The following SNX16 variants were observed in gnomAD, a reference collection of about 807,000 sequenced individuals.
SNX16 encodes the protein sorting nexin-16.
A neutral mutation model predicts 36.7 loss-of-function variants in SNX16; 35 were observed. That is an observed-to-expected ratio of 0.95 (90% CI 0.73 to 1.27). The LOEUF (loss-of-function observed/expected upper bound fraction) is 1.27. Ranked by LOEUF, SNX16 falls within the 50% of genes most tolerant of loss-of-function variation. The pLI is 0.00. For missense variants in SNX16, 367 were observed against 393.6 expected (o/e 0.93, Z 0.57); for synonymous variants, 134 against 132.0 (o/e 1.02, Z -0.10).
intron 4 of SNX16, among the ~76,000 whole-genome samples, chr8:81,818,641 T>G (rs1402391630): frequency 6.6e-6 from 1 of 152,132 alleles, no homozygotes; most frequent in Non-Finnish European, 1.5e-5. Context: ...AAGTAACTTT[T>G]TAAAATCTGA....
chr8:81,832,234 T>C (rs569511533), intron 2 of SNX16, among the ~76,000 whole-genome samples: 2 of 152,214 alleles, frequency 1.3e-5, no homozygotes, highest in African/African-American at 4.8e-5. Flanking sequence ...TATATAGCCA[T>C]AAAAAAGAAT....
At chr8:81,822,724 T>C (rs1401715442) in intron 4 of SNX16, among the ~76,000 whole-genome samples, 1 of 151,928 alleles carries the variant, frequency 6.6e-6, no homozygotes, top group Non-Finnish European at 1.5e-5. Flanking sequence ...AAAGTCTGCA[T>C]ACTAAACTTT....
rs1586004527 is a variant in SNX16, at chr8:81,823,657, T to C, written c.611+135A>G. 3.6e-5 allele frequency: 24 copies of C among 662,664 alleles called. No homozygotes were observed. In the East Asian group the frequency reaches 7.4e-4, roughly 20 times the overall value. 41.0% of individuals were successfully genotyped at this position (662,664 alleles called of 1,614,324 possible). Reference sequence around the variant, plus strand: ...AAGCAAGAAAATCTCTTGTAGTACTTTGTTAAAGAAGACAAGTAATTATAC... The same window carrying C: ...AAGCAAGAAAATCTCTTGTAGTACTCTGTTAAAGAAGACAAGTAATTATAC... On this transcript the variant is annotated intron_variant, in intron 4 of 7. Coordinates refer to ENST00000345957, the MANE Select transcript of SNX16 (RefSeq NM_152836.3).
chr8:81,839,290 A>C (rs957213327), intron 2 of SNX16, among the ~76,000 whole-genome samples: 1 of 152,140 alleles, frequency 6.6e-6, no homozygotes, highest in Non-Finnish European at 1.5e-5. Flanking sequence ...AAAATAGGCA[A>C]AATTAATCTA....
Position 81,815,598 on chromosome 8 carries a change from A to G in SNX16, c.612-204T>C, listed in dbSNP as rs367574107. ...AAGATCTTAGAACATAAATATCACA[A>G]ATTTATTGTTACATACAAACTATGG... On this transcript the variant is annotated intron_variant, in intron 4 of 7. Transcript: ENST00000345957. The G allele has an allele frequency of 1.8e-3, 784 of 429,542 alleles. 22 individuals are homozygous for G. In the South Asian group the frequency reaches 0.021, roughly 11 times the overall value. The allele number at this position is 429,542 out of a possible 1,614,324, so 26.6% of individuals were successfully genotyped here. A position where few individuals can be genotyped will look rare whatever the true frequency, so the allele number is the denominator to read the frequency against.
intron 5 of SNX16, among the ~76,000 whole-genome samples, chr8:81,805,376 A>C (rs1809884239): frequency 6.6e-6 from 1 of 152,174 alleles, no homozygotes; most frequent in South Asian, 2.1e-4. Flanking sequence ...GAACTGTATA[A>C]TACTAGAAAC....
intron 3 of SNX16, among the ~76,000 whole-genome samples, chr8:81,826,619 A>G (rs536868684): frequency 6.6e-6 from 1 of 152,190 alleles, no homozygotes; most frequent in Admixed American, 6.5e-5. Flanking sequence ...GAATTTGCTC[A>G]TGACTTTGTC....
At chr8:81,807,518 CAAAAAAAAA>C (rs71268027) in intron 5 of SNX16, among the ~76,000 whole-genome samples, 6 of 49,298 alleles carry the variant, frequency 1.2e-4, no homozygotes, top group African/African-American at 3.1e-4. Context: ...GACTCTGTCT[CAAAAAAAAA>C]AAAAAAAAAA....
Position 81,838,440 on chromosome 8 carries a change from A to G in SNX16, c.375+1172T>C, listed in dbSNP as rs148021674. Among the ~76,000 whole-genome samples the G allele has an allele frequency of 5.5e-3, 833 of 152,234 alleles. 5 individuals carry two copies. Among genetic ancestry groups the G allele is most frequent in the Non-Finnish European group, 9.3e-3 (633 of 67,964 alleles). On this transcript the variant is annotated intron_variant, in intron 2 of 7. Coordinates refer to ENST00000345957, the MANE Select transcript of SNX16 (RefSeq NM_152836.3). ...TAATTAAGACAGTGTGAAATTAGTA[A>G]AGGATGAAAAAATAGAACACAGAAG...
intron 2 of SNX16, among the ~76,000 whole-genome samples, chr8:81,835,039 G>A (rs1056303371): frequency 5.3e-5 from 8 of 152,218 alleles, no homozygotes; most frequent in African/African-American, 1.9e-4. Context: ...GGGCATCCAG[G>A]CATTTCCATA....
chr8:81,824,336 A>T (rs1810918670), intron 3 of SNX16, among the ~76,000 whole-genome samples: 1 of 152,164 alleles, frequency 6.6e-6, no homozygotes, highest in African/African-American at 2.4e-5. Context: ...TCCCTTTAAA[A>T]AAATTAGGTT....
chr8:81,806,005 T>TC (rs1563430832), intron 5 of SNX16, among the ~76,000 whole-genome samples: 2 of 152,210 alleles, frequency 1.3e-5, no homozygotes, highest in African/African-American at 2.4e-5. Flanking sequence ...AACTGAAACC[T>TC]CCCCAAATAA....
At chr8:81,833,168 ATTTC>A (rs1035959914) in intron 2 of SNX16, among the ~76,000 whole-genome samples, 3 of 141,118 alleles carry the variant, frequency 2.1e-5, no homozygotes, top group African/African-American at 5.0e-5. Context: ...AATTTCACCT[ATTTC>A]TTTTTTTTTT....
chr8:81,835,967 C>A (rs1481819171), intron 2 of SNX16, among the ~76,000 whole-genome samples: 2 of 152,228 alleles, frequency 1.3e-5, no homozygotes, highest in African/African-American at 2.4e-5. Flanking sequence ...TGAGACAAGG[C>A]AAGTCCCTTT....
chr8:81,829,444 T>C lies in SNX16; in HGVS notation c.448A>G (p.Arg150Gly), dbSNP rs781272757. Reference protein sequence around the residue: ...VVFRRYTDFSRLNDKLKEMFP... With the variant: ...VVFRRYTDFSGLNDKLKEMFP... ...ATAGTACTTACTTTGTCATTAAGCC[T>C]AGAGAAGTCAGTGTATCTTCTGAAA... Residue 150 changes from arginine to glycine, a missense_variant, in exon 3 of 8, where the codon AGG (arginine) becomes GGG (glycine). Arg to Gly is a moderately radical substitution (Grantham distance 125). Coordinates refer to ENST00000345957, the MANE Select transcript of SNX16 (RefSeq NM_152836.3). 1.4e-6 allele frequency: 2 copies of C among 1,415,432 alleles called. No individual in the cohort carries two copies. Among genetic ancestry groups the C allele is most frequent in the Non-Finnish European group, 1.9e-6 (2 of 1,076,880 alleles). The allele number at this position is 1,415,432 out of a possible 1,614,324, so 87.7% of individuals were successfully genotyped here.
chr8:81,836,723 T>C (rs1770732255), intron 2 of SNX16, among the ~76,000 whole-genome samples: 1 of 152,228 alleles, frequency 6.6e-6, no homozygotes, highest in Admixed American at 6.5e-5. Context: ...AAGAACCTAC[T>C]AACTGCTTCC....
In SNX16 at chr8:81,829,429, C is replaced by T. The variant is rs1811153165; in HGVS notation, c.462+1G>A. The T allele has an allele frequency of 2.2e-6, 3 of 1,351,410 alleles. No individual in the cohort carries two copies. Among genetic ancestry groups the T allele is most frequent in the Non-Finnish European group, 2.0e-6 (2 of 1,023,208 alleles). 83.7% of individuals were successfully genotyped at this position (1,351,410 alleles called of 1,614,324 possible). A position where few individuals can be genotyped will look rare whatever the true frequency, so the allele number is the denominator to read the frequency against. ...TAGTTTGGATTTATTATAGTACTTA[C>T]TTTGTCATTAAGCCTAGAGAAGTCA... is the stretch of plus-strand genomic sequence containing the variant. On this transcript the variant is annotated splice_donor_variant, in intron 3 of 7. Transcript: ENST00000345957. LOFTEE classifies it high-confidence loss of function.
At chr8:81,813,045 G>A (rs937648688) in intron 5 of SNX16, among the ~76,000 whole-genome samples, 3 of 151,918 alleles carry the variant, frequency 2.0e-5, no homozygotes, top group African/African-American at 7.2e-5. Flanking sequence ...GATGGAGACA[G>A]ATGAGAGAAA....
At chr8:81,828,469 T>A (rs987775699) in intron 3 of SNX16, among the ~76,000 whole-genome samples, 1 of 152,178 alleles carries the variant, frequency 6.6e-6, no homozygotes, top group Non-Finnish European at 1.5e-5. Flanking sequence ...CATTTTTTAC[T>A]TTGGGGTTCA....
Sources: allele counts gnomAD v4.1 joint callset (sites outside exome capture counted in the v4.1 genomes callset), GRCh38; gene constraint gnomAD v4.1.1; transcripts MANE v1.5; gene names NCBI Gene and HGNC (gene_info 2026-07-23, HGNC 2026-07-21).